SLCO4C1: variants seen among roughly 807,000 people sequenced by gnomAD.
SLCO4C1 encodes the protein solute carrier organic anion transporter family member 4C1, also known as organic anion transporter M1.
Under a neutral mutation model 72.1 loss-of-function variants are expected in SLCO4C1, and 58 were observed. That is an observed-to-expected ratio of 0.80 (90% confidence interval 0.65 to 1.00). The LOEUF is 1.00. Among genes scored for constraint, SLCO4C1 ranks in the 50% least tolerant of loss-of-function variants. The pLI is 0.00. For missense variants in SLCO4C1, 898 were observed against 857.9 expected (o/e 1.05, Z -0.58); for synonymous variants, 297 against 312.5 (o/e 0.95, Z 0.52).
At chr5:102,251,826 T>G (rs1209895967) in intron 8 of SLCO4C1, among the ~76,000 whole-genome samples, 2 of 152,078 alleles carry the variant, frequency 1.3e-5, no homozygotes, top group Non-Finnish European at 2.9e-5. Flanking sequence ...ATGAGAAGGG[T>G]ACTGAAGTCT....
intron 10 of SLCO4C1, among the ~76,000 whole-genome samples, chr5:102,243,203 T>A (rs1179661149): frequency 1.3e-5 from 2 of 152,188 alleles, no homozygotes; most frequent in Non-Finnish European, 2.9e-5. Context: ...CCAGGTAGAC[T>A]TCTAAGGTTT....
chr5:102,249,109 A>T (rs1002507175), intron 9 of SLCO4C1, among the ~76,000 whole-genome samples: 1 of 152,228 alleles, frequency 6.6e-6, no homozygotes, highest in African/African-American at 2.4e-5. Context: ...GCCTTCAAAG[A>T]TCTTAAATAG....
intron 2 of SLCO4C1, 46 bp downstream of exon 2, chr5:102,291,297 T>C (rs2112404548): frequency 2.5e-6 from 4 of 1,577,184 alleles, no homozygotes; most frequent in East Asian, 2.2e-5. Context: ...CCTAGTTTTA[T>C]CCACTTCTTC....
At position 102,291,520 on chromosome 5, in the gene SLCO4C1, A is replaced by G; in HGVS notation, c.442T>C (p.Ser148Pro). ...CAGAATGAAATATCGTAGCTTGATGAAATCAGGCCAGTCAGGGAACTCTTC... is the reference window on the plus strand; with the variant it reads ...CAGAATGAAATATCGTAGCTTGATGGAATCAGGCCAGTCAGGGAACTCTTC... ...EMKSSLTGLI[S>P]SSYDISFCLL... Residue 148 changes from serine to proline, a missense_variant, in exon 2 of 13, where the codon TCA becomes CCA. By Grantham distance (74) the Ser-to-Pro change is moderately conservative. Coordinates refer to ENST00000310954, the MANE Select transcript of SLCO4C1 (RefSeq NM_180991.5). The G allele has an allele frequency of 1.9e-6, 3 of 1,614,136 alleles. No individual in the cohort carries two copies. Among genetic ancestry groups the G allele is most frequent in the Non-Finnish European group, 2.5e-6 (3 of 1,179,984 alleles).
At chr5:102,283,740 T>A (rs1749398662) in intron 2 of SLCO4C1, among the ~76,000 whole-genome samples, 1 of 152,056 alleles carries the variant, frequency 6.6e-6, no homozygotes, top group African/African-American at 2.4e-5. Flanking sequence ...AGAGAATTGC[T>A]AACATTTTAA....
chr5:102,249,528 G>A, intron 9 of SLCO4C1, 110 bp downstream of exon 9: 4 of 1,075,108 alleles, frequency 3.7e-6, no homozygotes, highest in Non-Finnish European at 2.8e-6. Context: ...GCTTAACGGA[G>A]GCAATGGAGC....
chr5:102,278,957 A>C (rs1003216312), intron 2 of SLCO4C1, among the ~76,000 whole-genome samples: 2 of 151,666 alleles, frequency 1.3e-5, no homozygotes, highest in African/African-American at 4.8e-5. Context: ...TAATAGAATA[A>C]ATTTAAAATA....
chr5:102,241,407 G>A (rs1748537095), intron 10 of SLCO4C1, among the ~76,000 whole-genome samples: 1 of 152,014 alleles, frequency 6.6e-6, no homozygotes, highest in Non-Finnish European at 1.5e-5. Flanking sequence ...ATTTAGTAAA[G>A]TTTTAGCATA....
intron 3 of SLCO4C1, among the ~76,000 whole-genome samples, chr5:102,267,950 A>G (rs1035645786): frequency 6.6e-6 from 1 of 152,060 alleles, no homozygotes; most frequent in Non-Finnish European, 1.5e-5. Flanking sequence ...GTAGTCAGAG[A>G]ATATACCTGA....
rs150300349 is a variant in SLCO4C1, at chr5:102,255,675, T to C, written c.1469+1440A>G. On this transcript the variant is annotated intron_variant, in intron 8 of 12. Transcript: ENST00000310954. ...CAAATCTTTATTTCTCAAAACTCTTTGTATCCTTGAAGGATTTTTAAACCC... is the reference window on the plus strand; with the variant it reads ...CAAATCTTTATTTCTCAAAACTCTTCGTATCCTTGAAGGATTTTTAAACCC... 6.2e-4 allele frequency among the ~76,000 whole-genome samples: 94 copies of C among 152,310 alleles called. 1 individual carries two copies. Among genetic ancestry groups the C allele is most frequent in the East Asian group, 1.4e-3 (7 of 5,180 alleles).
Position 102,257,134 on chromosome 5 carries a change from C to T in SLCO4C1, c.1450G>A (p.Val484Ile), listed in dbSNP as rs1009342184. 5 of 1,590,316 alleles carry T rather than the reference C, an allele frequency of 3.1e-6. No homozygotes were observed. Among genetic ancestry groups the T allele is most frequent in the Non-Finnish European group, 3.4e-6 (4 of 1,170,450 alleles). Reference sequence around the variant, plus strand: ...ATTTACCCATTATATGATTCAGATACACCAGCAAATGGCTCATTTTCACAT... The same window carrying T: ...ATTTACCCATTATATGATTCAGATATACCAGCAAATGGCTCATTTTCACAT... ...AKCENEPFAGVSESYNGTGEL... is the reference protein window; with the variant it reads ...AKCENEPFAGISESYNGTGEL... The change falls in exon 8 of 13, where the codon GTA becomes ATA. Residue 484 changes from valine (V) to isoleucine (I), a missense_variant. By Grantham distance (29) the Val-to-Ile change is conservative (BLOSUM62 3). Coordinates refer to ENST00000310954, the MANE Select transcript of SLCO4C1 (RefSeq NM_180991.5).
At chr5:102,275,896 A>G (rs1749238422) in intron 2 of SLCO4C1, among the ~76,000 whole-genome samples, 1 of 152,222 alleles carries the variant, frequency 6.6e-6, no homozygotes, top group East Asian at 1.9e-4. Context: ...TTAGAATCAT[A>G]ACAAAAGTGT....
intron 2 of SLCO4C1, among the ~76,000 whole-genome samples, chr5:102,290,961 A>T (rs1407840915): frequency 6.6e-6 from 1 of 151,936 alleles, no homozygotes; most frequent in East Asian, 1.9e-4. Flanking sequence ...CTTTGTCTCA[A>T]ATCAGGAATC....
intron 2 of SLCO4C1, among the ~76,000 whole-genome samples, chr5:102,286,110 C>T (rs1749447420): frequency 6.6e-6 from 1 of 151,956 alleles, no homozygotes; most frequent in African/African-American, 2.4e-5. Context: ...AACCAAAGTC[C>T]TTTGATGAAG....
rs1351367167 is a variant in SLCO4C1, at chr5:102,234,567, C to T, written c.*2291G>A. ...GATAGCTAAGAATCTTTATAAACGCCAATGATTTAGTGACCTGTTTATCAA... is the reference window on the plus strand; with the variant it reads ...GATAGCTAAGAATCTTTATAAACGCTAATGATTTAGTGACCTGTTTATCAA... On this transcript the variant is annotated 3_prime_UTR_variant, in exon 13 of 13. Transcript: ENST00000310954. 1.3e-5 allele frequency: 2 copies of T among 152,214 alleles called. No individual in the cohort carries two copies. Among genetic ancestry groups the T allele is most frequent in the Non-Finnish European group, 2.9e-5 (2 of 68,008 alleles). The allele number at this position is 152,214 out of a possible 1,614,324, so 9.4% of individuals were successfully genotyped here.
At chr5:102,281,889 C>G (rs567074861) in intron 2 of SLCO4C1, among the ~76,000 whole-genome samples, 49 of 152,154 alleles carry the variant, frequency 3.2e-4, no homozygotes, top group African/African-American at 1.1e-3. Context: ...TATGACCCAG[C>G]AGTTTTACTC....
chr5:102,241,150 A>ACAT (rs772226282), intron 10 of SLCO4C1, among the ~76,000 whole-genome samples: 2 of 152,160 alleles, frequency 1.3e-5, no homozygotes, highest in Admixed American at 6.5e-5. Context: ...TCCACAGCTA[A>ACAT]CATCATACTC....
intron 2 of SLCO4C1, among the ~76,000 whole-genome samples, chr5:102,280,968 T>C: frequency 6.6e-6 from 1 of 152,298 alleles, no homozygotes; most frequent in Middle Eastern, 3.4e-3. Flanking sequence ...TAGACAAGAT[T>C]ATTCTAAAAT....
chr5:102,247,478 C>A, intron 9 of SLCO4C1, 36 bp from the exon 10 acceptor site: 1 of 1,343,258 alleles, frequency 7.4e-7, no homozygotes. Context: ...TGAAAGTGAT[C>A]ATTTAGAAAA....
Sources: gnomAD v4.1 joint callset for allele counts (sites outside exome capture counted in the v4.1 genomes callset) on GRCh38, gnomAD v4.1.1 for gene constraint, MANE v1.5 for transcripts, NCBI Gene and HGNC (gene_info 2026-07-23, HGNC 2026-07-21) for gene names.